Variants in SYNE2 observed in about 807,000 individuals in gnomAD.
SYNE2 encodes spectrin repeat containing nuclear envelope protein 2, also known as nesprin-2.
A neutral mutation model predicts 856.3 loss-of-function variants in SYNE2; 431 were observed. The observed-to-expected ratio is 0.50, with a 90% CI of 0.47 to 0.55. The LOEUF (loss-of-function observed/expected upper bound fraction) is 0.55, where lower values mean the gene tolerates loss of function less well. Ranked by LOEUF, SYNE2 falls within the 20% of genes least tolerant of loss-of-function variation. SYNE2 has a pLI of 0.00. For missense variants in SYNE2, 8,129 were observed against 8,023.2 expected, an observed-to-expected ratio of 1.01 and a Z score of -0.50; for synonymous variants, 2,923 against 2,872.3, an observed-to-expected ratio of 1.02 and a Z score of -0.56.
At chr14:64,184,982 A>G (rs1019641856) in intron 96 of SYNE2, among the ~76,000 whole-genome samples, 1 of 152,262 alleles carries the variant, frequency 6.6e-6, no homozygotes, top group Middle Eastern at 3.2e-3. Flanking sequence ...TCAGCAGGGC[A>G]TGGTGGCTCG....
intron 85 of SYNE2, among the ~76,000 whole-genome samples, chr14:64,155,411 C>A (rs1470935093): frequency 1.3e-5 from 2 of 152,078 alleles, no homozygotes; most frequent in Non-Finnish European, 2.9e-5. Flanking sequence ...ATGGACAATT[C>A]TATAAAGACA....
intron 1 of SYNE2, among the ~76,000 whole-genome samples, chr14:63,890,855 C>A (rs927466016): frequency 6.6e-6 from 1 of 152,188 alleles, no homozygotes; most frequent in African/African-American, 2.4e-5. Flanking sequence ...CTTTTTTGGA[C>A]TTCTCCAGGC....
intron 45 of SYNE2, among the ~76,000 whole-genome samples, chr14:64,032,296 C>G (rs956003611): frequency 8.6e-5 from 13 of 151,992 alleles, no homozygotes; most frequent in Non-Finnish European, 5.9e-5. Flanking sequence ...TGTGTCAGGC[C>G]GGGCATGGTG....
At chr14:64,124,347 A>G (rs1344670685) in intron 70 of SYNE2, among the ~76,000 whole-genome samples, 1 of 151,524 alleles carries the variant, frequency 6.6e-6, no homozygotes, top group Admixed American at 6.6e-5. Flanking sequence ...GTGCAGCACC[A>G]TGACCAGCTA....
In SYNE2 at chr14:64,021,414, A is replaced by C; in HGVS notation, c.5251A>C (p.Arg1751=). ...HALSGSTAEL[R]EDLDQAKTQI... ...ACTCAGTGGCAGCACTGCTGAGCTA[A>C]GGGAGGATCTCGACCAAGCCAAGAC... Residue 1751 remains arginine (R), a synonymous_variant, in exon 36 of 116, where the codon AGG becomes CGG. Coordinates refer to ENST00000555002, the MANE Select transcript of SYNE2 (RefSeq NM_182914.3). The C allele has an allele frequency of 6.2e-7, 1 of 1,614,192 alleles. No homozygotes were observed. Among genetic ancestry groups the C allele is most frequent in the Non-Finnish European group, 8.5e-7 (1 of 1,180,018 alleles).
At chr14:64,223,785 T>TA (rs1253880803) in intron 113 of SYNE2, among the ~76,000 whole-genome samples, 1 of 152,108 alleles carries the variant, frequency 6.6e-6, no homozygotes, top group Non-Finnish European at 1.5e-5. Flanking sequence ...ACAAAGGGAA[T>TA]ACCCAGACTG....
rs373466125 is a variant in SYNE2 at position 64,137,939 on chromosome 14, C to A, written c.14799C>A (p.Asp4933Glu). The A allele has an allele frequency of 6.2e-7, 1 of 1,614,024 alleles. No homozygotes were observed. The highest frequency in any genetic ancestry group is 8.5e-7 in the Non-Finnish European group (1 of 1,180,032). ...EQWLSLNKKI[D>E]HELHRLQALL... Reference sequence around the variant, plus strand: ...GGTTGTCCCTGAACAAGAAAATTGACCATGAGCTCCACAGGCTGCAAGCTC... The same window carrying A: ...GGTTGTCCCTGAACAAGAAAATTGAACATGAGCTCCACAGGCTGCAAGCTC... The change falls in exon 79 of 116, where the codon GAC (aspartate) becomes GAA (glutamate). Residue 4933 changes from aspartate to glutamate, a missense_variant. Physicochemically the swap from Asp to Glu is conservative, Grantham distance 45. Around this residue, in one of 3 missense-constraint regions of SYNE2, gnomAD observed 5,410 missense variants for 5,284.8 expected, o/e 1.02. Transcript: ENST00000555002.
chr14:64,115,292 T>C (rs2097845550), intron 66 of SYNE2, among the ~76,000 whole-genome samples: 1 of 152,122 alleles, frequency 6.6e-6, no homozygotes, highest in African/African-American at 2.4e-5. Context: ...GGCAAGATTA[T>C]GATCGTGAGA....
chr14:64,119,285 G>T, intron 66 of SYNE2, 142 bp from the exon 67 acceptor site: 37 of 1,036,186 alleles, frequency 3.6e-5, no homozygotes, highest in East Asian at 1.0e-4. Flanking sequence ...GGAAGTTTTT[G>T]TTTTTCCAGG....
At chr14:63,780,535 AAAT>A (rs1398484891) in intron 1 of SYNE2, among the ~76,000 whole-genome samples, 2 of 152,178 alleles carry the variant, frequency 1.3e-5, no homozygotes, top group East Asian at 3.9e-4. Context: ...CCCTGTCTCT[AAAT>A]AAATAAACAA....
intron 82 of SYNE2, among the ~76,000 whole-genome samples, chr14:64,142,878 A>T: frequency 6.6e-6 from 1 of 152,240 alleles, no homozygotes; most frequent in East Asian, 1.9e-4. Context: ...CATGAGCCAC[A>T]TGCAAACGTG....
rs759601147 is a variant in SYNE2, at chr14:64,191,143, TTTAAATTTATTATTTAAA to T, written c.18038+928_18038+945del. 2.1e-4 allele frequency: 89 copies of T among 423,306 alleles called. 1 individual carries two copies. Among genetic ancestry groups the T allele is most frequent in the Admixed American group, 1.3e-3 (31 of 24,258 alleles). 26.2% of individuals were successfully genotyped at this position (423,306 alleles called of 1,614,324 possible). ...AAAGTAAGATACTTTTATCTTATTATTTAAATTTATTATTTAAATTAAATTTATTATTTAAATTATTAT... is the reference window on the plus strand; with the variant it reads ...AAAGTAAGATACTTTTATCTTATTATTTAAATTTATTATTTAAATTATTAT... On this transcript the variant is annotated intron_variant, in intron 99 of 115. Transcript: ENST00000555002.
At chr14:63,769,562 G>A (rs144516990) in intron 1 of SYNE2, among the ~76,000 whole-genome samples, 1,550 of 151,886 alleles carry the variant, frequency 0.01, 18 homozygotes, top group East Asian at 0.066. Flanking sequence ...CAGCTACTTC[G>A]GGAGGCTGAG....
intron 2 of SYNE2, among the ~76,000 whole-genome samples, chr14:63,911,693 G>A (rs1454138398): frequency 6.6e-6 from 1 of 152,112 alleles, no homozygotes; most frequent in East Asian, 1.9e-4. Flanking sequence ...GTTTGAAAGA[G>A]GGAGTTTCCT....
At chr14:63,960,701 C>T (rs747640961) in intron 8 of SYNE2, 41 of 753,262 alleles carry the variant, frequency 5.4e-5, no homozygotes, top group Non-Finnish European at 8.8e-5. Context: ...TTGCATTCAC[C>T]CTTTTGTGAT....
At chr14:63,942,168 T>G in intron 6 of SYNE2, 25 bp downstream of exon 6, 1 of 1,361,776 alleles carries the variant, frequency 7.3e-7, no homozygotes. Context: ...GATATAAAAA[T>G]TATTTCTACC....
intron 74 of SYNE2, among the ~76,000 whole-genome samples, chr14:64,128,870 G>C (rs1311986213): frequency 4.6e-5 from 7 of 152,132 alleles, no homozygotes; most frequent in Non-Finnish European, 1.0e-4. Flanking sequence ...CTGTATATCA[G>C]AATTTTAAAC....
chr14:63,831,479 A>G (rs1035499733), intron 1 of SYNE2, among the ~76,000 whole-genome samples: 4 of 135,216 alleles, frequency 3.0e-5, no homozygotes, highest in African/African-American at 5.6e-5. Flanking sequence ...TGATTCTTCT[A>G]TTTTTTTCTT....
At position 64,190,088 on chromosome 14, in the gene SYNE2, A is replaced by G. The variant is rs1350431374; in HGVS notation, c.17889A>G (p.Ile5963Met). ...EKLQKDCMEE[I>M]NLFSENKLQL... ...TTTGCCAGGACTGCATGGAAGAAATAAACTTGTTTAGTGAAAACAAGTTAC... is the reference window on the plus strand; with the variant it reads ...TTTGCCAGGACTGCATGGAAGAAATGAACTTGTTTAGTGAAAACAAGTTAC... The change falls in exon 99 of 116, where the codon ATA (isoleucine) becomes ATG (methionine). Residue 5963 changes from isoleucine (I) to methionine (M), a missense_variant. Ile to Met is a conservative substitution (Grantham distance 10, BLOSUM62 1). Transcript: ENST00000555002. The G allele has an allele frequency of 1.9e-6, 3 of 1,614,052 alleles. No homozygotes were observed. Among genetic ancestry groups the G allele is most frequent in the Admixed American group, 1.7e-5 (1 of 60,002 alleles).
Sources: allele counts gnomAD v4.1 joint callset (sites outside exome capture counted in the v4.1 genomes callset), GRCh38; gene constraint gnomAD v4.1.1; regional missense constraint gnomAD v4.1.1; transcripts MANE v1.5; gene names NCBI Gene and HGNC (gene_info 2026-07-23, HGNC 2026-07-21).